The following TNFRSF11A variants were observed in gnomAD, a reference collection of about 807,000 sequenced individuals.
TNFRSF11A encodes tumor necrosis factor receptor superfamily member 11A.
Under a neutral mutation model 55.7 loss-of-function variants are expected in TNFRSF11A, and 32 were observed. The ratio of observed to expected loss-of-function variants is 0.57; its 90% confidence interval spans 0.43 to 0.77. The LOEUF (loss-of-function observed/expected upper bound fraction) is 0.77, where lower values mean the gene tolerates loss of function less well. Ranked by LOEUF, TNFRSF11A falls within the 30% of genes least tolerant of loss-of-function variation. The pLI, the probability that TNFRSF11A is intolerant of heterozygous loss-of-function variation, is 0.00. For synonymous variants in TNFRSF11A, 311 were observed against 331.0 expected (o/e 0.94, Z 0.65); for missense variants, 753 against 809.8 (o/e 0.93, Z 0.85).
At chr18:62,348,140 C>G in intron 1 of TNFRSF11A, 28 bp from the exon 2 acceptor site, 1 of 1,582,522 alleles carries the variant, frequency 6.3e-7, no homozygotes, top group Non-Finnish European at 8.7e-7. Flanking sequence ...TGTGTGGACT[C>G]TCTGCCTGAC....
chr18:62,353,820 A>G (rs1281655766), intron 3 of TNFRSF11A, among the ~76,000 whole-genome samples: 1 of 152,210 alleles, frequency 6.6e-6, no homozygotes, highest in Non-Finnish European at 1.5e-5. Context: ...ATGTGTTGTG[A>G]AAACAGAAAC....
Position 62,361,713 on chromosome 18 carries a change from T to G in TNFRSF11A, c.650T>G (p.Leu217Arg). The G allele has an allele frequency of 6.2e-7, 1 of 1,614,246 alleles. No individual in the cohort carries two copies. The highest frequency in any genetic ancestry group is 8.5e-7 in the Non-Finnish European group (1 of 1,180,028). ...PHVYLPGLIILLLFASVALVA... is the reference protein window; with the variant it reads ...PHVYLPGLIIRLLFASVALVA... ...GTTTACTTGCCCGGTTTAATAATTCTGCTTCTCTTCGCGTCTGTGGCCCTG... is the reference window on the plus strand; with the variant it reads ...GTTTACTTGCCCGGTTTAATAATTCGGCTTCTCTTCGCGTCTGTGGCCCTG... The change falls in exon 7 of 10, where the codon CTG becomes CGG. Residue 217 changes from leucine to arginine, a missense_variant. Coordinates refer to ENST00000586569, the MANE Select transcript of TNFRSF11A (RefSeq NM_003839.4).
rs1383263298 is a variant in TNFRSF11A at position 62,366,699 on chromosome 18, G to A, written c.731-9G>A. 6.2e-7 allele frequency: 1 copy of A among 1,614,194 alleles called. No individual in the cohort carries two copies. The highest frequency in any genetic ancestry group is 1.3e-5 in the African/African-American group (1 of 75,050). Reference sequence around the variant, plus strand: ...CTTGAAGTCCTTATCCTTGCTTTGTGTTTTCTAGCTAATTTGTGGCACTGG... The same window carrying A: ...CTTGAAGTCCTTATCCTTGCTTTGTATTTTCTAGCTAATTTGTGGCACTGG... On this transcript the variant is annotated splice_polypyrimidine_tract_variant and intron_variant, in intron 7 of 9. Coordinates refer to ENST00000586569, the MANE Select transcript of TNFRSF11A (RefSeq NM_003839.4).
At position 62,325,412 on chromosome 18, in the gene TNFRSF11A, G is replaced by C. The variant is rs1437136643; in HGVS notation, c.60G>C (p.Leu20=). ...PLFALLLLCA[L]LARLQVALQI... ...TCGCGCTGCTGCTGCTCTGCGCGCT[G>C]CTCGCCCGGCTGCAGGTAAGGAGCG... The change falls in exon 1 of 10, where the codon CTG becomes CTC. Residue 20 remains leucine, a synonymous_variant. Coordinates refer to ENST00000586569, the MANE Select transcript of TNFRSF11A (RefSeq NM_003839.4). The surrounding 1 kb of genome is among the most constrained non-coding windows in gnomAD (Gnocchi z 4.7). The C allele has an allele frequency of 1.6e-6, 2 of 1,255,690 alleles. No individual in the cohort carries two copies. The highest frequency in any genetic ancestry group is 3.2e-5 in the African/African-American group (2 of 62,390). 77.8% of individuals were successfully genotyped at this position (1,255,690 alleles called of 1,614,324 possible).
In TNFRSF11A at chr18:62,368,610, A is replaced by T. The variant is rs1910271019; in HGVS notation, c.784-91A>T. 5.4e-6 allele frequency: 7 copies of T among 1,297,340 alleles called. No homozygotes were observed. In the East Asian group the frequency reaches 1.4e-4, roughly 26 times the overall value. The allele number at this position is 1,297,340 out of a possible 1,614,324, so 80.4% of individuals were successfully genotyped here. A position where few individuals can be genotyped will look rare whatever the true frequency, so the allele number is the denominator to read the frequency against. The stretch of plus-strand genomic sequence containing the variant: ...TGTACTTGTTATGGTGGAAATAATC[A>T]GTGTAAACACTGTTTTCAGCAATGT... On this transcript the variant is annotated intron_variant, in intron 8 of 9. Coordinates refer to ENST00000586569, the MANE Select transcript of TNFRSF11A (RefSeq NM_003839.4).
chr18:62,342,974 T>C (rs780539106), intron 1 of TNFRSF11A, among the ~76,000 whole-genome samples: 4 of 152,216 alleles, frequency 2.6e-5, no homozygotes, highest in Admixed American at 6.5e-5. Context: ...GCTCTTTTAG[T>C]GTTTTGGGTA....
intron 4 of TNFRSF11A, 48 bp from the exon 5 acceptor site, chr18:62,358,200 G>A: frequency 6.4e-7 from 1 of 1,573,378 alleles, no homozygotes; most frequent in African/African-American, 1.4e-5. Flanking sequence ...GACCTCGTTT[G>A]TTTTTTGTTT....
rs1319016105 is a variant in TNFRSF11A at position 62,386,621 on chromosome 18, G to A, written c.*1587G>A. On this transcript the variant is annotated 3_prime_UTR_variant, in exon 10 of 10. Transcript: ENST00000586569. Reference sequence around the variant, plus strand: ...TAAAATTAATTTTGCACATCTGGGAGGTTATAAAAGAAAGCACTAATAGTA... The same window carrying A: ...TAAAATTAATTTTGCACATCTGGGAAGTTATAAAAGAAAGCACTAATAGTA... 1 of 152,208 alleles carries A rather than the reference G, an allele frequency of 6.6e-6. No individual in the cohort carries two copies. 9.4% of individuals were successfully genotyped at this position (152,208 alleles called of 1,614,324 possible). A position where few individuals can be genotyped will look rare whatever the true frequency, so the allele number is the denominator to read the frequency against.
At chr18:62,354,835 G>A (rs1183773753) in intron 4 of TNFRSF11A, among the ~76,000 whole-genome samples, 1 of 152,192 alleles carries the variant, frequency 6.6e-6, no homozygotes, top group Non-Finnish European at 1.5e-5. Context: ...CCACTTAGGA[G>A]CCAGCAGGAT....
rs1170917715 is a variant in TNFRSF11A at position 62,388,496 on chromosome 18, A to T, written c.*3462A>T. 6.6e-6 allele frequency: 1 copy of T among 152,260 alleles called. No homozygotes were observed. The highest frequency in any genetic ancestry group is 2.4e-5 in the African/African-American group (1 of 41,468). The allele number at this position is 152,260 out of a possible 1,614,324, so 9.4% of individuals were successfully genotyped here. Reference sequence around the variant, plus strand: ...AGGGGGTGGACACACAGAGGGGAAGATGGCCCCCTTGCCATCTGTCCACCA... The same window carrying T: ...AGGGGGTGGACACACAGAGGGGAAGTTGGCCCCCTTGCCATCTGTCCACCA... On this transcript the variant is annotated 3_prime_UTR_variant, in exon 10 of 10. Coordinates refer to ENST00000586569, the MANE Select transcript of TNFRSF11A (RefSeq NM_003839.4).
At position 62,383,543 on chromosome 18, in the gene TNFRSF11A, G is replaced by C. The variant is rs984853244; in HGVS notation, c.1568-1208G>C. Among the ~76,000 whole-genome samples the C allele has an allele frequency of 6.6e-6, 1 of 152,152 alleles. No homozygotes were observed. Among genetic ancestry groups the C allele is most frequent in the Admixed American group, 6.5e-5 (1 of 15,284 alleles). On this transcript the variant is annotated intron_variant, in intron 9 of 9. Coordinates refer to ENST00000586569, the MANE Select transcript of TNFRSF11A (RefSeq NM_003839.4). This position sits in a 1 kb window ranked among gnomAD's most constrained non-coding sequence, Gnocchi z 4.2. ...GCCCCTGATCAAATGGAAGGATTCT[G>C]TTTGTGATGCTGAGTGTTGGGGTGT...
At chr18:62,374,970 T>A (rs984275965) in intron 9 of TNFRSF11A, among the ~76,000 whole-genome samples, 1 of 152,002 alleles carries the variant, frequency 6.6e-6, no homozygotes, top group Non-Finnish European at 1.5e-5. Flanking sequence ...AGTGGCACGA[T>A]CTTGGCTCAT....
rs1318054991 is a variant in TNFRSF11A, at chr18:62,325,480, C to T, written c.75+53C>T. On this transcript the variant is annotated intron_variant, in intron 1 of 9. Coordinates refer to ENST00000586569, the MANE Select transcript of TNFRSF11A (RefSeq NM_003839.4). The surrounding 1 kb of genome is among the most constrained non-coding windows in gnomAD (Gnocchi z 4.7). Reference sequence around the variant, plus strand: ...GCGCGGCCCGACGCCTCCTCGGGAGCCCCGGGAAGGGCCGGGGCCGGCGGC... The same window carrying T: ...GCGCGGCCCGACGCCTCCTCGGGAGTCCCGGGAAGGGCCGGGGCCGGCGGC... 6 of 1,171,896 alleles carry T rather than the reference C, an allele frequency of 5.1e-6. No individual in the cohort carries two copies. The highest frequency in any genetic ancestry group is 5.4e-6 in the Non-Finnish European group (5 of 934,470). 72.6% of individuals were successfully genotyped at this position (1,171,896 alleles called of 1,614,324 possible). A position where few individuals can be genotyped will look rare whatever the true frequency, so the allele number is the denominator to read the frequency against.
chr18:62,325,767 T>C lies in TNFRSF11A; in HGVS notation c.75+340T>C, dbSNP rs2046064222. Among the ~76,000 whole-genome samples the C allele has an allele frequency of 6.6e-6, 1 of 152,190 alleles. No individual in the cohort carries two copies. The highest frequency in any genetic ancestry group is 1.5e-5 in the Non-Finnish European group (1 of 68,022). ...CCTACTAAGCGCTTGCGCCGGGCGGTGCCGCGGGAGACAGCGCCGTGGGCA... is the reference window on the plus strand; with the variant it reads ...CCTACTAAGCGCTTGCGCCGGGCGGCGCCGCGGGAGACAGCGCCGTGGGCA... On this transcript the variant is annotated intron_variant, in intron 1 of 9. Coordinates refer to ENST00000586569, the MANE Select transcript of TNFRSF11A (RefSeq NM_003839.4). The surrounding 1 kb of genome is among the most constrained non-coding windows in gnomAD (Gnocchi z 4.7).
intron 1 of TNFRSF11A, among the ~76,000 whole-genome samples, chr18:62,337,845 C>T (rs1325768314): frequency 2.6e-5 from 4 of 152,158 alleles, no homozygotes; most frequent in Admixed American, 2.0e-4. Flanking sequence ...TTGTCCCTGG[C>T]GCATAGTATG....
At chr18:62,343,182 C>A (rs1040336964) in intron 1 of TNFRSF11A, among the ~76,000 whole-genome samples, 1 of 152,222 alleles carries the variant, frequency 6.6e-6, no homozygotes, top group African/African-American at 2.4e-5. Flanking sequence ...ACCATCCTTA[C>A]TGAAGTTATA....
chr18:62,373,900 C>A (rs936732985), intron 9 of TNFRSF11A: 1 of 152,270 alleles, frequency 6.6e-6, no homozygotes, highest in Non-Finnish European at 1.5e-5. Flanking sequence ...TGTTGATCAT[C>A]CATTTCCATT....
In TNFRSF11A at chr18:62,385,267, C is replaced by A; in HGVS notation, c.*233C>A. ...CAGCCCGCCGCACTGGGGCAGATGT[C>A]TCCCCTGCCACTCCTCAAACTCGCA... is the stretch of plus-strand genomic sequence containing the variant. On this transcript the variant is annotated 3_prime_UTR_variant, in exon 10 of 10. Transcript: ENST00000586569. The A allele has an allele frequency of 2.3e-6, 1 of 434,678 alleles. No homozygotes were observed. The highest frequency in any genetic ancestry group is 4.0e-6 in the Non-Finnish European group (1 of 251,954). 26.9% of individuals were successfully genotyped at this position (434,678 alleles called of 1,614,324 possible). A position where few individuals can be genotyped will look rare whatever the true frequency, so the allele number is the denominator to read the frequency against.
Position 62,358,225 on chromosome 18 carries a change from G to T in TNFRSF11A, c.428-23G>T, listed in dbSNP as rs1469285945. 292 of 1,461,008 alleles carry T rather than the reference G, an allele frequency of 2.0e-4. 2 individuals are homozygous for T. The highest frequency in any genetic ancestry group is 3.7e-4 in the South Asian group (32 of 86,030). 90.5% of individuals were successfully genotyped at this position (1,461,008 alleles called of 1,614,324 possible). A position where few individuals can be genotyped will look rare whatever the true frequency, so the allele number is the denominator to read the frequency against. On this transcript the variant is annotated intron_variant, in intron 4 of 9. Coordinates refer to ENST00000586569, the MANE Select transcript of TNFRSF11A (RefSeq NM_003839.4). Reference sequence around the variant, plus strand: ...GTTTTTTGTTTGTTCTGTCTGGGTTGTTTTTTTTTTTTTTTCTCACAGTGC... The same window carrying T: ...GTTTTTTGTTTGTTCTGTCTGGGTTTTTTTTTTTTTTTTTTCTCACAGTGC...
Sources: allele counts gnomAD v4.1 joint callset (sites outside exome capture counted in the v4.1 genomes callset), GRCh38; gene constraint gnomAD v4.1.1; non-coding constraint Gnocchi (gnomAD v3.1); transcripts MANE v1.5; gene names NCBI Gene and HGNC (gene_info 2026-07-23, HGNC 2026-07-21).